Variants in PVT1 observed in about 807,000 individuals in gnomAD.
PVT1 encodes the protein Pvt1 oncogene, also known as CXCR4/PVT1 fusion.
At chr8:127,926,909 A>T (rs973756693) in intron 3 of PVT1, among the ~76,000 whole-genome samples, 1 of 152,174 alleles carries the variant, frequency 6.6e-6, no homozygotes, top group Non-Finnish European at 1.5e-5. Context: ...TTTCAGGCTA[A>T]TCGGACACGA....
At chr8:128,000,540 G>T (rs1194863111) in intron 4 of PVT1, among the ~76,000 whole-genome samples, 2 of 152,230 alleles carry the variant, frequency 1.3e-5, no homozygotes, top group South Asian at 2.1e-4. Flanking sequence ...CCAGTCTGTG[G>T]CTGCTGATTA....
At chr8:127,847,931 T>C (rs1439244701) in intron 2 of PVT1, among the ~76,000 whole-genome samples, 1 of 151,850 alleles carries the variant, frequency 6.6e-6, no homozygotes, top group African/African-American at 2.4e-5. Context: ...AGAGATAAGG[T>C]TTCACTCTGT....
rs540772205 is a variant in PVT1, at chr8:127,970,551, G to A, written n.783-18611G>A. Among the ~76,000 whole-genome samples the A allele has an allele frequency of 1.3e-4, 19 of 151,856 alleles. No homozygotes were observed. In the East Asian group the frequency reaches 2.7e-3, roughly 22 times the overall value. ...TCTGGCCTCGTGATCCGCCCGCCTC[G>A]GCCTCCCAAAATGCTGGGATTACAG... On this transcript the variant is annotated intron_variant and non_coding_transcript_variant, in intron 3 of 10. Coordinates refer to ENST00000651587, the Ensembl canonical transcript of PVT1.
intron 3 of PVT1, among the ~76,000 whole-genome samples, chr8:127,917,470 T>C (rs1159872915): frequency 6.6e-6 from 1 of 152,216 alleles, no homozygotes; most frequent in East Asian, 1.9e-4. Flanking sequence ...CTGGATCCTG[T>C]GATGACCCAG....
intron 3 of PVT1, among the ~76,000 whole-genome samples, chr8:127,912,241 T>C (rs564034050): frequency 2.4e-4 from 37 of 152,330 alleles, no homozygotes; most frequent in African/African-American, 7.0e-4. Flanking sequence ...TTGAATGTTA[T>C]AGAATAATAG....
At chr8:128,064,837 G>A (rs1452194281) in intron 4 of PVT1, among the ~76,000 whole-genome samples, 1 of 152,182 alleles carries the variant, frequency 6.6e-6, no homozygotes, top group Non-Finnish European at 1.5e-5. Context: ...CAGTTACATA[G>A]GAATTATTTT....
At chr8:127,878,035 G>A (rs1159662438) in intron 2 of PVT1, among the ~76,000 whole-genome samples, 3 of 152,166 alleles carry the variant, frequency 2.0e-5, no homozygotes, top group Non-Finnish European at 4.4e-5. Flanking sequence ...AGGTCCTGCT[G>A]TTCTGTAAAG....
chr8:127,891,338 G>T (rs1050003024), intron 3 of PVT1, among the ~76,000 whole-genome samples: 1 of 152,364 alleles, frequency 6.6e-6, no homozygotes, highest in East Asian at 1.9e-4. Context: ...AGACAGGATT[G>T]TTAATGAATG....
chr8:127,996,303 G>A (rs1817103192), intron 4 of PVT1, among the ~76,000 whole-genome samples: 1 of 151,874 alleles, frequency 6.6e-6, no homozygotes, highest in African/African-American at 2.4e-5. Context: ...CCCTGGGCCT[G>A]AATTGCTGTG....
At chr8:128,095,910 G>A (rs1050827783) in intron 5 of PVT1, among the ~76,000 whole-genome samples, 4 of 152,198 alleles carry the variant, frequency 2.6e-5, no homozygotes, top group Admixed American at 6.5e-5. Flanking sequence ...GTCAGAGCTG[G>A]CTTCTCTGTG....
In PVT1 at chr8:127,914,260, C is replaced by CA. The variant is rs60359946; in HGVS notation, n.782+23302dup. Among the ~76,000 whole-genome samples, 83 of 47,856 alleles carry CA rather than the reference C, an allele frequency of 1.7e-3. 8 individuals carry two copies. Among genetic ancestry groups the CA allele is most frequent in the East Asian group, 3.8e-3 (6 of 1,580 alleles). 31.4% of individuals were successfully genotyped at this position (47,856 alleles called of 152,430 possible). A position where few individuals can be genotyped will look rare whatever the true frequency, so the allele number is the denominator to read the frequency against. On this transcript the variant is annotated intron_variant and non_coding_transcript_variant, in intron 3 of 10. Transcript: ENST00000651587. ...AATTAAACACCACCACCACCAACAG[C>CA]AAAAAAAAAAAAAAAAAAAAAAAAA...
intron 4 of PVT1, among the ~76,000 whole-genome samples, chr8:128,056,388 C>G (rs907699977): frequency 6.6e-6 from 1 of 152,130 alleles, no homozygotes; most frequent in African/African-American, 2.4e-5. Context: ...TATGTGTCTG[C>G]GTATACACCT....
At chr8:127,896,135 G>T (rs1221284267) in intron 3 of PVT1, among the ~76,000 whole-genome samples, 1 of 152,224 alleles carries the variant, frequency 6.6e-6, no homozygotes, top group African/African-American at 2.4e-5. Context: ...AAACTTAGAA[G>T]ATGGCCTTCA....
At chr8:127,814,414 C>T (rs923889014) in intron 2 of PVT1, among the ~76,000 whole-genome samples, 26 of 152,162 alleles carry the variant, frequency 1.7e-4, no homozygotes, top group Non-Finnish European at 2.5e-4. Flanking sequence ...TTCCCCAGCT[C>T]AGGAGGGGCT....
intron 3 of PVT1, among the ~76,000 whole-genome samples, chr8:127,984,994 TTTCCTTCCTTCCTTCCTTCCTTCC>T (rs1202727973): frequency 3.0e-5 from 2 of 67,090 alleles, no homozygotes; most frequent in African/African-American, 6.3e-5. Context: ...TTTCTTTCTC[TTTCCTTCCTTCCTTCCTTCCTTCC>T]TTCCTTCCTT....
At chr8:127,941,995 C>A (rs1816356512) in intron 3 of PVT1, among the ~76,000 whole-genome samples, 1 of 151,692 alleles carries the variant, frequency 6.6e-6, no homozygotes, top group East Asian at 2.0e-4. Flanking sequence ...CCTGTGGGCC[C>A]ATTTTTGTCA....
chr8:128,087,701 G>A lies in PVT1; in HGVS notation n.1115-8817G>A, dbSNP rs141686184. Reference sequence around the variant, plus strand: ...GTTTTTGCTGGTTTTCTGTGTTGTTGCAATCATGGAAACCCTCTAACTCTG... The same window carrying A: ...GTTTTTGCTGGTTTTCTGTGTTGTTACAATCATGGAAACCCTCTAACTCTG... On this transcript the variant is annotated intron_variant and non_coding_transcript_variant, in intron 5 of 10. Coordinates refer to ENST00000651587, the Ensembl canonical transcript of PVT1. Among the ~76,000 whole-genome samples, 156 of 149,224 alleles carry A rather than the reference G, an allele frequency of 1.0e-3. 2 individuals carry two copies. Among genetic ancestry groups the A allele is most frequent in the African/African-American group, 3.7e-3 (150 of 40,452 alleles).
chr8:128,047,280 T>C (rs1813626836), intron 4 of PVT1, among the ~76,000 whole-genome samples: 1 of 152,212 alleles, frequency 6.6e-6, no homozygotes, highest in Non-Finnish European at 1.5e-5. Context: ...AGGAATGACC[T>C]GTGAGAAGAG....
chr8:127,922,290 C>A (rs544811704), intron 3 of PVT1, among the ~76,000 whole-genome samples: 1 of 127,890 alleles, frequency 7.8e-6, no homozygotes, highest in Non-Finnish European at 1.6e-5. Flanking sequence ...CCCCCCCCAC[C>A]AAGGAGGGCT....
Sources: allele counts gnomAD v4.1 joint callset (sites outside exome capture counted in the v4.1 genomes callset), GRCh38; gene constraint gnomAD v4.1.1; transcripts MANE v1.5; gene names NCBI Gene and HGNC (gene_info 2026-07-23, HGNC 2026-07-21).